The following DCC variants were observed in gnomAD, a reference collection of about 807,000 sequenced individuals.
The protein encoded by DCC is netrin receptor DCC.
Under a neutral mutation model 172.5 loss-of-function variants are expected in DCC, and 58 were observed. The ratio of observed to expected loss-of-function variants is 0.34; its 90% CI spans 0.27 to 0.42. The LOEUF (loss-of-function observed/expected upper bound fraction) is 0.42. Among genes scored for constraint, DCC ranks in the 10% least tolerant of loss-of-function variants. DCC has a pLI of 1.00. For missense variants in DCC, 1,740 were observed against 1,791.0 expected, an observed-to-expected ratio of 0.97 and a Z score of 0.51; for synonymous variants, 709 against 644.5, an observed-to-expected ratio of 1.10 and a Z score of -1.52.
chr18:52,855,407 C>T (rs768656938), intron 2 of DCC, among the ~76,000 whole-genome samples: 20 of 152,214 alleles, frequency 1.3e-4, no homozygotes, highest in Non-Finnish European at 2.2e-4. Context: ...CTTAGGTTTC[C>T]GTATAGCTTT....
At chr18:53,441,276 T>C (rs1912258155) in intron 22 of DCC, among the ~76,000 whole-genome samples, 1 of 152,094 alleles carries the variant, frequency 6.6e-6, no homozygotes, top group Non-Finnish European at 1.5e-5. Context: ...CTCACTGCCC[T>C]TTTGCCAGGC....
intron 12 of DCC, among the ~76,000 whole-genome samples, chr18:53,296,584 A>G (rs1030765606): frequency 5.9e-5 from 9 of 152,138 alleles, no homozygotes; most frequent in Non-Finnish European, 1.3e-4. Context: ...CCAGTTAGCT[A>G]TGGCAATATT....
chr18:53,349,315 C>A lies in DCC; in HGVS notation c.2359+9408C>A, dbSNP rs2057760967. 3.3e-5 allele frequency among the ~76,000 whole-genome samples: 5 copies of A among 152,186 alleles called. No individual in the cohort carries two copies. In the South Asian group the frequency reaches 6.2e-4, roughly 19 times the overall value. On this transcript the variant is annotated intron_variant, in intron 15 of 28. Coordinates refer to ENST00000442544, the MANE Select transcript of DCC (RefSeq NM_005215.4). ...TCCTCATTTCCATCTGAGACCACCTCAGCCTGGACTTTATTGTTCATATCG... is the reference window on the plus strand; with the variant it reads ...TCCTCATTTCCATCTGAGACCACCTAAGCCTGGACTTTATTGTTCATATCG...
At chr18:52,582,214 G>A (rs2144779381) in intron 1 of DCC, among the ~76,000 whole-genome samples, 1 of 152,282 alleles carries the variant, frequency 6.6e-6, no homozygotes, top group Admixed American at 6.5e-5. Flanking sequence ...AATTTGCACA[G>A]TCTTCCAAAG....
intron 2 of DCC, among the ~76,000 whole-genome samples, chr18:52,900,579 G>A (rs1431581591): frequency 6.6e-6 from 1 of 152,164 alleles, no homozygotes; most frequent in African/African-American, 2.4e-5. Context: ...AATTAAAACT[G>A]TCTTTATCAT....
intron 5 of DCC, among the ~76,000 whole-genome samples, chr18:53,017,612 T>C (rs2041827425): frequency 6.6e-6 from 1 of 152,184 alleles, no homozygotes; most frequent in African/African-American, 2.4e-5. Context: ...AGGGTTATTC[T>C]TAGGAACAAT....
intron 1 of DCC, among the ~76,000 whole-genome samples, chr18:52,645,931 G>C (rs1243580962): frequency 6.6e-6 from 1 of 152,166 alleles, no homozygotes; most frequent in Non-Finnish European, 1.5e-5. Flanking sequence ...ATTTGCATTT[G>C]GAGGTTAGGT....
At chr18:52,497,762 T>C (rs936407871) in intron 1 of DCC, among the ~76,000 whole-genome samples, 1 of 152,130 alleles carries the variant, frequency 6.6e-6, no homozygotes, top group East Asian at 1.9e-4. Context: ...CTATACACAG[T>C]AGCAGCAGCA....
chr18:53,319,350 G>A (rs1228527400), intron 13 of DCC, among the ~76,000 whole-genome samples: 2 of 152,080 alleles, frequency 1.3e-5, no homozygotes, highest in Non-Finnish European at 1.5e-5. Context: ...CTATTGATGT[G>A]CTATATTCAG....
intron 25 of DCC, among the ~76,000 whole-genome samples, chr18:53,482,208 T>A (rs1599201046): frequency 6.6e-6 from 1 of 152,334 alleles, no homozygotes; most frequent in East Asian, 1.9e-4. Flanking sequence ...TGTAGACTTC[T>A]GTGCCTTTTC....
rs973183597 is a variant in DCC at position 52,781,384 on chromosome 18, C to T, written c.412+29010C>T. Among the ~76,000 whole-genome samples the T allele has an allele frequency of 3.4e-5, 5 of 147,362 alleles. No homozygotes were observed. The East Asian group carries it at 1.0e-3, about 30-fold the overall frequency. On this transcript the variant is annotated intron_variant, in intron 2 of 28. Transcript: ENST00000442544. ...GTACTTTGGGATAGCATTCTCCGAG[C>T]TCCAACAGGATCCACCAAACTGCTA...
intron 25 of DCC, among the ~76,000 whole-genome samples, chr18:53,472,373 G>A (rs2045707307): frequency 6.6e-6 from 1 of 152,188 alleles, no homozygotes; most frequent in Non-Finnish European, 1.5e-5. Context: ...GTCATACCCT[G>A]TGAAGCTATT....
At chr18:52,738,098 C>A (rs572717012) in intron 1 of DCC, among the ~76,000 whole-genome samples, 1 of 152,082 alleles carries the variant, frequency 6.6e-6, no homozygotes, top group African/African-American at 2.4e-5. Context: ...GTCCACAGAG[C>A]GCAAAAAAAT....
At chr18:52,980,221 C>T (rs66804102) in intron 5 of DCC, among the ~76,000 whole-genome samples, 10 of 152,192 alleles carry the variant, frequency 6.6e-5, no homozygotes, top group African/African-American at 1.2e-4. Context: ...AGTCGTCATG[C>T]GGCTCCAGCT....
At position 53,427,618 on chromosome 18, in the gene DCC, C is replaced by T. The variant is rs551157546; in HGVS notation, c.3164-7526C>T. Among the ~76,000 whole-genome samples, 88 of 151,280 alleles carry T rather than the reference C, an allele frequency of 5.8e-4. 1 individual carries two copies. Among genetic ancestry groups the T allele is most frequent in the Non-Finnish European group, 1.1e-3 (77 of 67,916 alleles). On this transcript the variant is annotated intron_variant, in intron 21 of 28. Transcript: ENST00000442544. ...TAGGTTAGAACTTATCATCTTTTCT[C>T]ACCTGAAATCTTTAAGAAGGAGGTT... is the stretch of plus-strand genomic sequence containing the variant.
chr18:53,336,174 A>T (rs896288304), intron 14 of DCC, among the ~76,000 whole-genome samples: 11 of 152,220 alleles, frequency 7.2e-5, no homozygotes, highest in Admixed American at 7.2e-4. Context: ...TGCAAGCAGC[A>T]TCTTAGAGAT....
chr18:52,830,768 C>G (rs149530443), intron 2 of DCC, among the ~76,000 whole-genome samples: 1 of 152,210 alleles, frequency 6.6e-6, no homozygotes, highest in East Asian at 1.9e-4. Flanking sequence ...CCTTCATAGA[C>G]CTAGGGTAAT....
chr18:53,495,920 G>T (rs1287706537), intron 26 of DCC, among the ~76,000 whole-genome samples: 2 of 151,926 alleles, frequency 1.3e-5, no homozygotes, highest in African/African-American at 4.8e-5. Context: ...CTCGTCTCTG[G>T]GCAGGGCATC....
At chr18:53,395,599 C>T (rs1267193302) in intron 17 of DCC, among the ~76,000 whole-genome samples, 1 of 152,016 alleles carries the variant, frequency 6.6e-6, no homozygotes, top group Non-Finnish European at 1.5e-5. Flanking sequence ...CTGATTATAC[C>T]AAAAATATTT....
Sources: gnomAD v4.1 joint callset for allele counts (sites outside exome capture counted in the v4.1 genomes callset) on GRCh38, gnomAD v4.1.1 for gene constraint, MANE v1.5 for transcripts, NCBI Gene and HGNC (gene_info 2026-07-23, HGNC 2026-07-21) for gene names.